TMEM272: variants seen among roughly 807,000 people sequenced by gnomAD.
The protein encoded by TMEM272 is transmembrane protein 272, also known as long intergenic non-protein coding RNA 282.
TMEM272 carries 8 observed loss-of-function variants against 3.7 expected under a neutral mutation model. The ratio of observed to expected loss-of-function variants is 2.17; its 90% CI spans 1.27 to 3.91. The LOEUF (loss-of-function observed/expected upper bound fraction) is 3.91, where lower values mean the gene tolerates loss of function less well. Among genes scored for constraint, TMEM272 ranks in the 30% most tolerant of loss-of-function variants. TMEM272 has a pLI of 0.00. For synonymous variants in TMEM272, 63 were observed against 39.8 expected (o/e 1.58, Z -2.20); for missense variants, 166 against 91.5 (o/e 1.81, Z -3.32).
At chr13:51,891,541 C>T in the TMEM272 span, among the ~76,000 whole-genome samples, 1 of 152,172 alleles carries the variant, frequency 6.6e-6, no homozygotes, top group Non-Finnish European at 1.5e-5. Flanking sequence ...CCAGGGATTT[C>T]CAGAATGAGC....
the TMEM272 span, among the ~76,000 whole-genome samples, chr13:51,919,136 G>A: frequency 1.3e-5 from 2 of 152,250 alleles, no homozygotes; most frequent in Non-Finnish European, 1.5e-5. Context: ...CCGAGGCCCA[G>A]GTGAAACTCC....
intron 2 of TMEM272, among the ~76,000 whole-genome samples, chr13:51,835,917 T>A (rs1156370343): frequency 1.3e-5 from 2 of 152,220 alleles, no homozygotes; most frequent in Non-Finnish European, 2.9e-5. Flanking sequence ...CGCAGCTTCT[T>A]AAATTTACAT....
chr13:51,922,162 G>A, the TMEM272 span, among the ~76,000 whole-genome samples: 465 of 152,220 alleles, frequency 3.1e-3, 1 homozygote, highest in South Asian at 0.012. Flanking sequence ...AGGAGTTATC[G>A]CTTGAAAAAA....
the TMEM272 span, among the ~76,000 whole-genome samples, chr13:51,872,487 A>C: frequency 2.0e-5 from 3 of 152,208 alleles, no homozygotes; most frequent in Admixed American, 2.0e-4. Context: ...ACATAGGGGA[A>C]GACATGCTCA....
chr13:51,883,881 T>C, the TMEM272 span, among the ~76,000 whole-genome samples: 1 of 152,256 alleles, frequency 6.6e-6, no homozygotes, highest in South Asian at 2.1e-4. Flanking sequence ...TCTGCTTCCC[T>C]TGATACATCC....
chr13:51,910,481 T>C, the TMEM272 span: 1 of 769,332 alleles, frequency 1.3e-6, no homozygotes, highest in East Asian at 2.5e-5. Context: ...CAAGGACAGC[T>C]GCACATATCA....
chr13:51,824,468 C>T (rs1010822571), intron 3 of TMEM272, among the ~76,000 whole-genome samples: 1 of 152,182 alleles, frequency 6.6e-6, no homozygotes, highest in African/African-American at 2.4e-5. Context: ...CTATCTATTT[C>T]CAAAATGTTT....
chr13:51,884,020 C>T, the TMEM272 span, among the ~76,000 whole-genome samples: 2 of 152,194 alleles, frequency 1.3e-5, no homozygotes, highest in South Asian at 2.1e-4. Flanking sequence ...GAGGGAAACA[C>T]TGGCAACGTG....
the TMEM272 span, among the ~76,000 whole-genome samples, chr13:51,926,579 CA>C: frequency 8.3e-6 from 1 of 120,058 alleles, no homozygotes; most frequent in Admixed American, 1.3e-4. Flanking sequence ...CCGTGAGAGG[CA>C]AAACAGGTTA....
chr13:51,826,714 A>G, intron 2 of TMEM272, 89 bp from the exon 3 acceptor site: 2 of 691,300 alleles, frequency 2.9e-6, no homozygotes, highest in Non-Finnish European at 5.3e-6. Flanking sequence ...GCATCCTGTG[A>G]AACCTGACTT....
At chr13:51,818,925 G>C (rs1956056025) in intron 4 of TMEM272, among the ~76,000 whole-genome samples, 1 of 152,202 alleles carries the variant, frequency 6.6e-6, no homozygotes, top group Non-Finnish European at 1.5e-5. Flanking sequence ...CAGTGAGTAA[G>C]AGAATGAGAA....
In TMEM272 at chr13:51,818,177, G is replaced by A. The variant is rs1478082551; in HGVS notation, c.202-1064C>T. Among the ~76,000 whole-genome samples, 3 of 152,154 alleles carry A rather than the reference G, an allele frequency of 2.0e-5. No homozygotes were observed. The East Asian group carries it at 5.8e-4, about 29-fold the overall frequency. Reference sequence around the variant, plus strand: ...TAGAAAGAATCCTTGGATGACGGAGGATGTGGCCGACTGGCAGAGGCGGGG... The same window carrying A: ...TAGAAAGAATCCTTGGATGACGGAGAATGTGGCCGACTGGCAGAGGCGGGG... On this transcript the variant is annotated intron_variant, in intron 4 of 4. Transcript: ENST00000629372.
chr13:51,896,988 C>T, the TMEM272 span, among the ~76,000 whole-genome samples: 7 of 152,122 alleles, frequency 4.6e-5, no homozygotes, highest in Non-Finnish European at 1.0e-4. Context: ...TCAGAAGACA[C>T]AAGACTCCTG....
At chr13:51,868,429 C>T in the TMEM272 span, among the ~76,000 whole-genome samples, 1 of 152,188 alleles carries the variant, frequency 6.6e-6, no homozygotes, top group Non-Finnish European at 1.5e-5. Flanking sequence ...CAAAAGGAAA[C>T]CTAAGGATAA....
the TMEM272 span, among the ~76,000 whole-genome samples, chr13:51,883,145 C>T: frequency 6.6e-6 from 1 of 152,210 alleles, no homozygotes; most frequent in Admixed American, 6.5e-5. Context: ...GTCTAAGCTC[C>T]CAAGAAATGT....
chr13:51,904,185 GTGA>G, the TMEM272 span, among the ~76,000 whole-genome samples: 2 of 152,106 alleles, frequency 1.3e-5, no homozygotes, highest in Admixed American at 1.3e-4. Context: ...CTGCTTTGCA[GTGA>G]TGATGACAAT....
chr13:51,865,495 G>A, the TMEM272 span: 2 of 1,614,222 alleles, frequency 1.2e-6, no homozygotes, highest in Non-Finnish European at 1.7e-6. Context: ...TTCGCCAGAA[G>A]AAACTAATGC....
the TMEM272 span, among the ~76,000 whole-genome samples, chr13:51,878,183 C>T: frequency 6.6e-6 from 1 of 152,288 alleles, no homozygotes; most frequent in East Asian, 1.9e-4. Flanking sequence ...GTAATCCCAG[C>T]ACTTTGGGAG....
At chr13:51,825,019 A>G (rs1956112236) in intron 3 of TMEM272, among the ~76,000 whole-genome samples, 1 of 152,244 alleles carries the variant, frequency 6.6e-6, no homozygotes, top group Non-Finnish European at 1.5e-5. Flanking sequence ...TACCTTACAG[A>G]TTTTGCATAG....
Sources: allele counts gnomAD v4.1 joint callset (sites outside exome capture counted in the v4.1 genomes callset), GRCh38; gene constraint gnomAD v4.1.1; transcripts MANE v1.5; gene names NCBI Gene and HGNC (gene_info 2026-07-23, HGNC 2026-07-21).